TMEM132C: variants seen among roughly 807,000 people sequenced by gnomAD.
TMEM132C encodes transmembrane protein 132C.
Under a neutral mutation model 61.4 loss-of-function variants are expected in TMEM132C, and 29 were observed. The observed-to-expected ratio is 0.47, with a 90% confidence interval of 0.35 to 0.64. The LOEUF (loss-of-function observed/expected upper bound fraction) is 0.64. Among genes scored for constraint, TMEM132C ranks in the 30% least tolerant of loss-of-function variants. The probability of loss-of-function intolerance (pLI) is 0.00; values close to 1 mark genes in which losing one functional copy is unlikely to be tolerated. For synonymous variants in TMEM132C, 656 were observed against 633.1 expected, an observed-to-expected ratio of 1.04 and a Z score of -0.54; for missense variants, 1,408 against 1,476.9, an observed-to-expected ratio of 0.95 and a Z score of 0.76.
At chr12:128,407,867 C>G (rs530907797) in intron 1 of TMEM132C, among the ~76,000 whole-genome samples, 1 of 150,888 alleles carries the variant, frequency 6.6e-6, no homozygotes, top group Non-Finnish European at 1.5e-5. Flanking sequence ...CGTGTAGATA[C>G]AGGAGATGGG....
intron 2 of TMEM132C, among the ~76,000 whole-genome samples, chr12:128,529,875 A>C (rs1198916423): frequency 1.3e-5 from 2 of 152,206 alleles, no homozygotes; most frequent in Non-Finnish European, 2.9e-5. Flanking sequence ...CCAGTTACAG[A>C]AAAACAGTAT....
intron 3 of TMEM132C, among the ~76,000 whole-genome samples, chr12:128,589,737 G>A (rs1875685390): frequency 6.6e-6 from 1 of 151,724 alleles, no homozygotes; most frequent in Non-Finnish European, 1.5e-5. Context: ...AGGCTGGATT[G>A]GAATAAGCCT....
chr12:128,661,556 T>C (rs1420656640), intron 4 of TMEM132C, among the ~76,000 whole-genome samples: 1 of 136,030 alleles, frequency 7.4e-6, no homozygotes, highest in Non-Finnish European at 1.6e-5. Flanking sequence ...GATGAGAAGA[T>C]GCTAAAAAAA....
At chr12:128,548,126 G>A (rs946546554) in intron 3 of TMEM132C, among the ~76,000 whole-genome samples, 1 of 152,168 alleles carries the variant, frequency 6.6e-6, no homozygotes, top group Non-Finnish European at 1.5e-5. Flanking sequence ...GATGCCTCAA[G>A]GGCTCTGAAA....
At chr12:128,657,291 A>C (rs1247236439) in intron 4 of TMEM132C, among the ~76,000 whole-genome samples, 1 of 152,194 alleles carries the variant, frequency 6.6e-6, no homozygotes, top group Non-Finnish European at 1.5e-5. Flanking sequence ...AGGAGGAAGA[A>C]AGGGGAAGCC....
chr12:128,369,653 C>G (rs968000771), intron 1 of TMEM132C, among the ~76,000 whole-genome samples: 3 of 152,218 alleles, frequency 2.0e-5, no homozygotes, highest in Non-Finnish European at 2.9e-5. Context: ...CCACAGTTAT[C>G]ACTCAAAATG....
In TMEM132C at chr12:128,673,186, G is replaced by A. The variant is rs948039667; in HGVS notation, c.1449+3626G>A. On this transcript the variant is annotated intron_variant, in intron 5 of 8. Transcript: ENST00000435159. ...CTTAACACCCAATGCAATGGTATTAGAGGTAGGGCCTTTAGGAGGTAATTA... is the reference window on the plus strand; with the variant it reads ...CTTAACACCCAATGCAATGGTATTAAAGGTAGGGCCTTTAGGAGGTAATTA... Among the ~76,000 whole-genome samples, 3 of 152,230 alleles carry A rather than the reference G, an allele frequency of 2.0e-5. No individual in the cohort carries two copies. In the East Asian group the frequency reaches 5.8e-4, roughly 29 times the overall value.
chr12:128,684,008 A>AAATAAATG (rs1263102866), intron 5 of TMEM132C, among the ~76,000 whole-genome samples: 8 of 138,198 alleles, frequency 5.8e-5, no homozygotes, highest in Admixed American at 2.2e-4. Context: ...ATAAATAAAT[A>AAATAAATG]AATGTTGGTG....
intron 4 of TMEM132C, among the ~76,000 whole-genome samples, chr12:128,645,322 G>T (rs1954187960): frequency 6.6e-6 from 1 of 152,030 alleles, no homozygotes; most frequent in African/African-American, 2.4e-5. Context: ...TCTGATTCTT[G>T]ACTGGCGATG....
chr12:128,489,199 C>T (rs1378211199), intron 2 of TMEM132C, among the ~76,000 whole-genome samples: 2 of 151,974 alleles, frequency 1.3e-5, no homozygotes, highest in African/African-American at 4.8e-5. Context: ...CTGATGGGGG[C>T]GTTTTCCTGC....
rs1229815319 is a variant in TMEM132C, at chr12:128,570,108, A to T, written c.1121+26005A>T. On this transcript the variant is annotated intron_variant, in intron 3 of 8. Transcript: ENST00000435159. This position sits in a 1 kb window ranked among gnomAD's most constrained non-coding sequence, Gnocchi z 4.7. ...AAAGCATATAACCCACCGTGAATAC[A>T]ACTGGGGTTATCTTCTCGTCTTAGG... Among the ~76,000 whole-genome samples the T allele has an allele frequency of 1.3e-5, 2 of 152,206 alleles. No homozygotes were observed. Among genetic ancestry groups the T allele is most frequent in the African/African-American group, 4.8e-5 (2 of 41,454 alleles).
chr12:128,573,738 G>A (rs1032137092), intron 3 of TMEM132C, among the ~76,000 whole-genome samples: 1 of 152,258 alleles, frequency 6.6e-6, no homozygotes, highest in East Asian at 1.9e-4. Context: ...TGGGGACAGA[G>A]TTTCAGTTTG....
chr12:128,523,197 AT>A (rs1388632821), intron 2 of TMEM132C, among the ~76,000 whole-genome samples: 1 of 152,172 alleles, frequency 6.6e-6, no homozygotes, highest in Non-Finnish European at 1.5e-5. Context: ...CTTACATGAG[AT>A]GTCTCCAGTA....
At chr12:128,554,280 G>A (rs879423625) in intron 3 of TMEM132C, among the ~76,000 whole-genome samples, 2 of 152,160 alleles carry the variant, frequency 1.3e-5, no homozygotes, top group Non-Finnish European at 2.9e-5. Context: ...GTAAGGAAGC[G>A]GGTGGAATGA....
intron 2 of TMEM132C, among the ~76,000 whole-genome samples, chr12:128,485,126 A>G (rs1184543693): frequency 1.3e-5 from 2 of 152,202 alleles, no homozygotes; most frequent in South Asian, 4.1e-4. Context: ...ATCTGAAATG[A>G]TGCTGGGAAA....
chr12:128,305,752 T>G (rs1300176124), intron 1 of TMEM132C, among the ~76,000 whole-genome samples: 1 of 152,188 alleles, frequency 6.6e-6, no homozygotes, highest in Non-Finnish European at 1.5e-5. Flanking sequence ...AATCTATTGG[T>G]ATTTTCAGAG....
intron 3 of TMEM132C, among the ~76,000 whole-genome samples, chr12:128,597,316 C>A (rs1328544511): frequency 2.0e-5 from 3 of 151,014 alleles, no homozygotes; most frequent in Non-Finnish European, 4.4e-5. Context: ...CCCATCTCTA[C>A]TAAAAAAAAA....
In TMEM132C at chr12:128,299,488, G is replaced by A. The variant is rs141674421; in HGVS notation, c.85+32001G>A. ...ACTGAGATGCTCTTAGAAAGACAGA[G>A]CTGATGGTGCCAGTTCAGAGGACCC... is the stretch of plus-strand genomic sequence containing the variant. On this transcript the variant is annotated intron_variant, in intron 1 of 8. Coordinates refer to ENST00000435159, the MANE Select transcript of TMEM132C (RefSeq NM_001136103.3). Among the ~76,000 whole-genome samples the A allele has an allele frequency of 2.6e-5, 4 of 152,296 alleles. No individual in the cohort carries two copies. The East Asian group carries it at 7.7e-4, about 29-fold the overall frequency.
At chr12:128,386,304 T>C (rs564585309) in intron 1 of TMEM132C, among the ~76,000 whole-genome samples, 2 of 152,302 alleles carry the variant, frequency 1.3e-5, no homozygotes, top group Admixed American at 1.3e-4. Flanking sequence ...TCGCCAACAT[T>C]TAACCCTCTA....
Sources: allele counts gnomAD v4.1 joint callset (sites outside exome capture counted in the v4.1 genomes callset), GRCh38; gene constraint gnomAD v4.1.1; non-coding constraint Gnocchi (gnomAD v3.1); transcripts MANE v1.5; gene names NCBI Gene and HGNC (gene_info 2026-07-23, HGNC 2026-07-21).